TRNAU1AP: variants seen among roughly 807,000 people sequenced by gnomAD.
TRNAU1AP encodes tRNA selenocysteine 1 associated protein 1, also known as tRNA selenocysteine 1-associated protein 1.
In TRNAU1AP, 33 loss-of-function variants were observed where a neutral mutation model predicts 43.3. The ratio of observed to expected loss-of-function variants is 0.76; its 90% CI spans 0.58 to 1.02. TRNAU1AP has a LOEUF of 1.02. Ranked by LOEUF, TRNAU1AP falls within the 50% of genes least tolerant of loss-of-function variation. The probability of loss-of-function intolerance (pLI) is 0.00; values close to 1 mark genes in which losing one functional copy is unlikely to be tolerated. For synonymous variants in TRNAU1AP, 143 were observed against 129.1 expected, an observed-to-expected ratio of 1.11 and a Z score of -0.73; for missense variants, 290 against 362.7, an observed-to-expected ratio of 0.80 and a Z score of 1.63.
In TRNAU1AP at chr1:28,577,467, ACTTCCCTGACCCCATCCTTGCTTG is replaced by A; in HGVS notation, c.728-29_728-6del. The A allele has an allele frequency of 6.2e-7, 1 of 1,610,064 alleles. No homozygotes were observed. The highest frequency in any genetic ancestry group is 8.5e-7 in the Non-Finnish European group (1 of 1,178,148). The stretch of plus-strand genomic sequence containing the variant: ...CCAGGTCCCTTGCAGCTGTCCCTAG[ACTTCCCTGACCCCATCCTTGCTTG>A]CTTTCCAGACCCCATGCCACAGCTG... On this transcript the variant is annotated splice_polypyrimidine_tract_variant and intron_variant, in intron 8 of 8. Transcript: ENST00000373830.
At chr1:28,576,951 A>C (rs1665801155) in intron 8 of TRNAU1AP, among the ~76,000 whole-genome samples, 1 of 152,154 alleles carries the variant, frequency 6.6e-6, no homozygotes, top group African/African-American at 2.4e-5. Context: ...CTGTAATCTC[A>C]GTACTTTGGG....
At chr1:28,575,854 GGCTTTTTT>G (rs1665766695) in intron 8 of TRNAU1AP, among the ~76,000 whole-genome samples, 2 of 124,876 alleles carry the variant, frequency 1.6e-5, no homozygotes, top group South Asian at 2.5e-4. Context: ...CACTGCGCCT[GGCTTTTTT>G]TTTTTTTTTT....
At chr1:28,567,448 C>T in intron 6 of TRNAU1AP, 35 bp downstream of exon 6, 4 of 1,569,876 alleles carry the variant, frequency 2.5e-6, no homozygotes, top group Non-Finnish European at 3.4e-6. Flanking sequence ...AGACTCTAGA[C>T]TCCCCTCCAG....
chr1:28,568,085 A>G (rs1344788980), intron 6 of TRNAU1AP, among the ~76,000 whole-genome samples: 1 of 152,014 alleles, frequency 6.6e-6, no homozygotes, highest in Admixed American at 6.6e-5. Flanking sequence ...AATCGCTTGA[A>G]CCTGGGTGGC....
rs1006194087 is a variant in TRNAU1AP, at chr1:28,578,508, G to A, written c.*872G>A. 29 of 310,660 alleles carry A rather than the reference G, an allele frequency of 9.3e-5. 1 individual carries two copies. Among genetic ancestry groups the A allele is most frequent in the South Asian group, 2.8e-4 (10 of 36,116 alleles). 19.2% of individuals were successfully genotyped at this position (310,660 alleles called of 1,614,324 possible). ...CTTGAGCTCGGGAAGAGACCAGTTC[G>A]GTCTCTACAAAAAAATACAAACACA... On this transcript the variant is annotated 3_prime_UTR_variant, in exon 9 of 9. Transcript: ENST00000373830.
chr1:28,554,455 G>A (rs975942609), intron 2 of TRNAU1AP, among the ~76,000 whole-genome samples: 10 of 152,104 alleles, frequency 6.6e-5, no homozygotes, highest in African/African-American at 1.7e-4. Context: ...GATCTGCTGA[G>A]TAATAAGCAG....
intron 1 of TRNAU1AP, 54 bp from the exon 2 acceptor site, chr1:28,553,586 G>A (rs1201523334): frequency 1.9e-6 from 3 of 1,557,200 alleles, no homozygotes; most frequent in East Asian, 4.5e-5. Context: ...TCTGGAACCC[G>A]GAGTGGGAAG....
At chr1:28,567,011 G>C (rs1438207833) in intron 5 of TRNAU1AP, among the ~76,000 whole-genome samples, 2 of 152,182 alleles carry the variant, frequency 1.3e-5, no homozygotes, top group African/African-American at 4.8e-5. Context: ...GCTCCTATTT[G>C]GGAATGTTCC....
chr1:28,559,338 A>G (rs952262544), intron 2 of TRNAU1AP, among the ~76,000 whole-genome samples: 7 of 152,220 alleles, frequency 4.6e-5, no homozygotes, highest in Middle Eastern at 3.4e-3. Context: ...ATAAGAGCCT[A>G]TATTCTGAGG....
intron 5 of TRNAU1AP, among the ~76,000 whole-genome samples, chr1:28,566,240 G>T (rs1317196701): frequency 6.6e-6 from 1 of 151,294 alleles, no homozygotes; most frequent in Non-Finnish European, 1.5e-5. Context: ...GCTTCAACCT[G>T]GGAGGCCGAG....
intron 8 of TRNAU1AP, among the ~76,000 whole-genome samples, chr1:28,573,683 G>A (rs1665712586): frequency 6.6e-6 from 1 of 151,854 alleles, no homozygotes. Flanking sequence ...TGAGGCAGGA[G>A]AATCACTTGA....
intron 6 of TRNAU1AP, among the ~76,000 whole-genome samples, chr1:28,568,840 CTT>C (rs1665597902): frequency 7.0e-6 from 1 of 142,918 alleles, no homozygotes; most frequent in African/African-American, 2.6e-5. Flanking sequence ...GAGATGGTGT[CTT>C]GCTCTTTTGC....
At chr1:28,572,199 T>TTG (rs961079796) in intron 8 of TRNAU1AP, among the ~76,000 whole-genome samples, 28 of 151,604 alleles carry the variant, frequency 1.8e-4, no homozygotes, top group Admixed American at 7.9e-4. Context: ...TACCCTTTTT[T>TTG]TGTGTGTGTG....
intron 8 of TRNAU1AP, among the ~76,000 whole-genome samples, chr1:28,575,376 A>G (rs912012395): frequency 2.0e-5 from 3 of 150,910 alleles, no homozygotes; most frequent in Non-Finnish European, 4.4e-5. Flanking sequence ...GATGGTCTCT[A>G]TCTTTTGACC....
intron 5 of TRNAU1AP, among the ~76,000 whole-genome samples, chr1:28,566,719 A>G (rs1181738763): frequency 1.3e-5 from 2 of 151,232 alleles, no homozygotes; most frequent in Non-Finnish European, 2.9e-5. Context: ...AGATCACGCC[A>G]TTGCACTCCA....
intron 2 of TRNAU1AP, among the ~76,000 whole-genome samples, chr1:28,559,725 A>G (rs1665363250): frequency 6.6e-6 from 1 of 152,164 alleles, no homozygotes; most frequent in Admixed American, 6.6e-5. Flanking sequence ...TGCATAGTCT[A>G]TCTCTAAAAT....
rs1665498358 is a variant in TRNAU1AP at position 28,564,735 on chromosome 1, C to G, written c.311C>G (p.Thr104Ser). Residue 104 changes from threonine (T) to serine (S), a missense_variant, in exon 5 of 9, where the codon ACC becomes AGC. Transcript: ENST00000373830. ...TATTCCCTCTTTGTGGGGGACCTGA[C>G]CCCGGACGTGGATGATGGCATGCTG... Reference protein sequence around the residue: ...PEYSLFVGDLTPDVDDGMLYE... With the variant: ...PEYSLFVGDLSPDVDDGMLYE... 2 of 1,614,062 alleles carry G rather than the reference C, an allele frequency of 1.2e-6. No homozygotes were observed. Among genetic ancestry groups the G allele is most frequent in the Non-Finnish European group, 1.7e-6 (2 of 1,180,002 alleles).
At chr1:28,557,048 A>G (rs1161943675) in intron 2 of TRNAU1AP, among the ~76,000 whole-genome samples, 2 of 145,952 alleles carry the variant, frequency 1.4e-5, no homozygotes, top group Non-Finnish European at 3.0e-5. Flanking sequence ...TCCTGACCTC[A>G]GGTGATCTGT....
At position 28,577,539 on chromosome 1, in the gene TRNAU1AP, A is replaced by T; in HGVS notation, c.767A>T (p.Glu256Val). Residue 256 changes from glutamate to valine, a missense_variant, in exon 9 of 9, where the codon GAG becomes GTG. Physicochemically the swap from Glu to Val is moderately radical, Grantham distance 121. Transcript: ENST00000373830. ...PQLDVTEANK[E>V]FMEQSEELYD... ...CTGGATGTGACTGAGGCCAACAAGG[A>T]GTTCATGGAACAGAGTGAGGAGCTG... The T allele has an allele frequency of 6.2e-7, 1 of 1,614,112 alleles. No individual in the cohort carries two copies. Among genetic ancestry groups the T allele is most frequent in the Non-Finnish European group, 8.5e-7 (1 of 1,180,004 alleles).
Sources: gnomAD v4.1 joint callset for allele counts (sites outside exome capture counted in the v4.1 genomes callset) on GRCh38, gnomAD v4.1.1 for gene constraint, MANE v1.5 for transcripts, NCBI Gene and HGNC (gene_info 2026-07-23, HGNC 2026-07-21) for gene names.